The following GPC6 variants were observed in gnomAD, a reference collection of about 807,000 sequenced individuals.
GPC6 encodes glypican 6.
Under a neutral mutation model 55.2 loss-of-function variants are expected in GPC6, and 14 were observed. That is an observed-to-expected ratio of 0.25 (90% CI 0.17 to 0.40). The LOEUF (loss-of-function observed/expected upper bound fraction) is 0.40, where lower values mean the gene tolerates loss of function less well. Ranked by LOEUF, GPC6 falls within the 10% of genes least tolerant of loss-of-function variation. GPC6 has a pLI of 1.00. For missense variants in GPC6, 641 were observed against 708.5 expected (o/e 0.90, Z 1.08); for synonymous variants, 278 against 259.6 (o/e 1.07, Z -0.68).
chr13:93,496,218 G>C (rs1046175434), intron 1 of GPC6, among the ~76,000 whole-genome samples: 11 of 152,180 alleles, frequency 7.2e-5, no homozygotes, highest in South Asian at 2.1e-4. Flanking sequence ...GTGGGATATA[G>C]TCTCGTGGTG....
At chr13:93,743,382 G>A (rs1470302449) in intron 2 of GPC6, among the ~76,000 whole-genome samples, 1 of 152,016 alleles carries the variant, frequency 6.6e-6, no homozygotes, top group Non-Finnish European at 1.5e-5. Context: ...ATATAATGTG[G>A]CCAATACTAT....
intron 2 of GPC6, among the ~76,000 whole-genome samples, chr13:93,752,063 G>GA (rs968679117): frequency 5.3e-5 from 8 of 152,056 alleles, no homozygotes; most frequent in South Asian, 4.2e-4. Context: ...TAATAGTCCA[G>GA]AAAAAAATCT....
intron 2 of GPC6, among the ~76,000 whole-genome samples, chr13:93,763,646 G>C (rs1885021778): frequency 6.6e-6 from 1 of 152,154 alleles, no homozygotes; most frequent in Non-Finnish European, 1.5e-5. Flanking sequence ...TTTATCATAG[G>C]ATATTTCAGC....
intron 2 of GPC6, among the ~76,000 whole-genome samples, chr13:93,782,051 C>G (rs180844600): frequency 1.3e-5 from 2 of 152,256 alleles, no homozygotes; most frequent in East Asian, 3.9e-4. Context: ...CTTACTCTAA[C>G]TGAAATTTTC....
chr13:94,373,653 CAGG>C (rs1395342352), intron 6 of GPC6, among the ~76,000 whole-genome samples: 1 of 152,072 alleles, frequency 6.6e-6, no homozygotes, highest in African/African-American at 2.4e-5. Flanking sequence ...GGATATTATC[CAGG>C]AGAACTTCCC....
chr13:94,314,495 C>G (rs771735200), intron 6 of GPC6, among the ~76,000 whole-genome samples: 1 of 152,114 alleles, frequency 6.6e-6, no homozygotes, highest in Non-Finnish European at 1.5e-5. Flanking sequence ...GGTAACTGTC[C>G]TTTATTCTGC....
At chr13:94,266,151 C>CTTTTTTTTTTTTTTTTTTTT (rs111623457) in intron 4 of GPC6, among the ~76,000 whole-genome samples, 1 of 142,820 alleles carries the variant, frequency 7.0e-6, no homozygotes, top group Non-Finnish European at 1.5e-5. Context: ...CTTTTCTTTT[C>CTTTTTTTTTTTTTTTTTTTT]TTTTTTTTTT....
chr13:94,112,099 A>G (rs970336430), intron 4 of GPC6, among the ~76,000 whole-genome samples: 2 of 152,164 alleles, frequency 1.3e-5, no homozygotes, highest in Admixed American at 1.3e-4. Context: ...AAAGGTAAAT[A>G]TATTCACTAG....
chr13:94,066,664 A>G (rs924982013), intron 4 of GPC6, among the ~76,000 whole-genome samples: 2 of 152,178 alleles, frequency 1.3e-5, no homozygotes, highest in Non-Finnish European at 2.9e-5. Context: ...TAAGGTGCAT[A>G]TGACCAAGTC....
chr13:94,377,333 TCAAA>T (rs1879919483), intron 6 of GPC6, among the ~76,000 whole-genome samples: 3 of 94,648 alleles, frequency 3.2e-5, no homozygotes, highest in Middle Eastern at 4.2e-3. Context: ...TACAATGAAC[TCAAA>T]CAAATTTACA....
chr13:93,837,422 A>G (rs765952173), intron 3 of GPC6, among the ~76,000 whole-genome samples: 4 of 152,234 alleles, frequency 2.6e-5, no homozygotes, highest in East Asian at 1.9e-4. Context: ...GTCTTCTACA[A>G]TCTGAGATAG....
intron 2 of GPC6, among the ~76,000 whole-genome samples, chr13:93,661,109 C>G (rs919058682): frequency 6.6e-6 from 1 of 152,180 alleles, no homozygotes; most frequent in African/African-American, 2.4e-5. Context: ...CAAGAATGTA[C>G]ACATGAGAGA....
At chr13:94,268,723 G>C (rs1891891841) in intron 4 of GPC6, among the ~76,000 whole-genome samples, 1 of 152,122 alleles carries the variant, frequency 6.6e-6, no homozygotes, top group South Asian at 2.1e-4. Context: ...AAGAAAATAA[G>C]AGGAAATCTT....
intron 1 of GPC6, among the ~76,000 whole-genome samples, chr13:93,540,565 T>C (rs951594096): frequency 6.6e-6 from 1 of 152,190 alleles, no homozygotes; most frequent in Non-Finnish European, 1.5e-5. Context: ...ATAAAATAAT[T>C]ATACAATTAT....
rs1000721550 is a variant in GPC6, at chr13:93,681,745, C to G, written c.319+136324C>G. On this transcript the variant is annotated intron_variant, in intron 2 of 8. Transcript: ENST00000377047. ...GAGAAATGTTCAGAATATGAGCTGA[C>G]TTATTGGAAATTTCAGAGAAATGTC... Among the ~76,000 whole-genome samples the G allele has an allele frequency of 2.0e-5, 3 of 152,108 alleles. No homozygotes were observed. In the East Asian group the frequency reaches 5.8e-4, roughly 29 times the overall value.
intron 2 of GPC6, among the ~76,000 whole-genome samples, chr13:93,705,801 C>T (rs1337631375): frequency 6.9e-6 from 1 of 145,616 alleles, no homozygotes; most frequent in Non-Finnish European, 1.5e-5. Context: ...CTGAATGCCC[C>T]AGCATCCTTT....
chr13:94,054,206 C>T (rs1594699036), intron 4 of GPC6, among the ~76,000 whole-genome samples: 2 of 152,286 alleles, frequency 1.3e-5, no homozygotes, highest in South Asian at 2.1e-4. Flanking sequence ...AATACCCGCC[C>T]CGCCATTCCT....
chr13:93,394,108 TCCTTTCAAATATTACTA>T (rs1484523677), intron 1 of GPC6, among the ~76,000 whole-genome samples: 5 of 152,224 alleles, frequency 3.3e-5, no homozygotes, highest in African/African-American at 1.2e-4. Flanking sequence ...CCTGCAAGGA[TCCTTTCAAATATTACTA>T]CCTCTATAAA....
At chr13:93,496,567 T>G (rs558334257) in intron 1 of GPC6, among the ~76,000 whole-genome samples, 16 of 152,302 alleles carry the variant, frequency 1.1e-4, no homozygotes, top group Admixed American at 4.6e-4. Flanking sequence ...AAAACTTAAC[T>G]AGTGTTAATC....
Sources: allele counts gnomAD v4.1 joint callset (sites outside exome capture counted in the v4.1 genomes callset), GRCh38; gene constraint gnomAD v4.1.1; transcripts MANE v1.5; gene names NCBI Gene and HGNC (gene_info 2026-07-23, HGNC 2026-07-21).